SVEP1: variants seen among roughly 807,000 people sequenced by gnomAD.
SVEP1 encodes sushi, von Willebrand factor type A, EGF and pentraxin domain-containing protein 1.
In SVEP1, 164 loss-of-function variants were observed where a neutral mutation model predicts 367.3. That is an observed-to-expected ratio of 0.45 (90% CI 0.39 to 0.51). The LOEUF (loss-of-function observed/expected upper bound fraction) is 0.51, where lower values mean the gene tolerates loss of function less well. Among genes scored for constraint, SVEP1 ranks in the 20% least tolerant of loss-of-function variants. SVEP1 has a pLI of 0.00. For synonymous variants in SVEP1, 1,666 were observed against 1,611.6 expected (o/e 1.03, Z -0.81); for missense variants, 4,117 against 4,425.3 (o/e 0.93, Z 1.98).
At chr9:110,564,820 A>G (rs1830469999) in intron 1 of SVEP1, among the ~76,000 whole-genome samples, 3 of 127,788 alleles carry the variant, frequency 2.3e-5, no homozygotes, top group Admixed American at 7.4e-5. Context: ...TATTTAAATT[A>G]TCAATCAATG....
intron 3 of SVEP1, among the ~76,000 whole-genome samples, chr9:110,541,149 A>C (rs1325831211): frequency 6.6e-6 from 1 of 152,174 alleles, no homozygotes; most frequent in Non-Finnish European, 1.5e-5. Context: ...TGATGAGGAA[A>C]AACCCTTATG....
intron 18 of SVEP1, among the ~76,000 whole-genome samples, chr9:110,459,772 T>C (rs1828829753): frequency 1.3e-5 from 2 of 152,158 alleles, no homozygotes; most frequent in Non-Finnish European, 2.9e-5. Context: ...CTCTTCAGCA[T>C]TGGTATTATT....
At chr9:110,476,180 A>C (rs1327708902) in intron 14 of SVEP1, 24 bp downstream of exon 14, 1 of 1,469,366 alleles carries the variant, frequency 6.8e-7, no homozygotes, top group Admixed American at 1.7e-5. Context: ...CTTGCCAACT[A>C]CCGATGCCAC....
chr9:110,375,484 A>AAAAAAAG, intron 45 of SVEP1, 21 bp from the exon 46 acceptor site: 1 of 1,502,282 alleles, frequency 6.7e-7, no homozygotes, highest in South Asian at 1.3e-5. Context: ...AAAAAAAAAA[A>AAAAAAAG]AAAAAAGGAG....
In SVEP1 at chr9:110,429,230, C is replaced by A; in HGVS notation, c.5720G>T (p.Ser1907Ile). Residue 1907 changes from serine (S) to isoleucine (I), a missense_variant, in exon 35 of 48, where the codon AGT becomes ATT. By Grantham distance (142) the Ser-to-Ile change is moderately radical (BLOSUM62 -2). This residue lies in a region of SVEP1 where 2,174 missense variants were observed against 2,494.3 expected (regional missense o/e 0.87). Transcript: ENST00000374469. Reference protein sequence around the residue: ...PPVCEPVKCSSPENINNGKYI... With the variant: ...PPVCEPVKCSIPENINNGKYI... ...TTTTCCATTATTTATATTTTCCGGA[C>A]TAGAACACTTCACTGGTTCACACAC... 6.3e-7 allele frequency: 1 copy of A among 1,595,986 alleles called. No individual in the cohort carries two copies. Among genetic ancestry groups the A allele is most frequent in the East Asian group, 2.3e-5 (1 of 44,336 alleles).
At chr9:110,478,982 G>A (rs1218268678) in intron 13 of SVEP1, among the ~76,000 whole-genome samples, 2 of 151,464 alleles carry the variant, frequency 1.3e-5, no homozygotes, top group African/African-American at 4.9e-5. Context: ...TGCATGGCGC[G>A]ATCTGGTTCA....
intron 21 of SVEP1, among the ~76,000 whole-genome samples, chr9:110,456,608 C>T (rs1385265804): frequency 6.6e-6 from 1 of 152,092 alleles, no homozygotes; most frequent in East Asian, 1.9e-4. Context: ...TCATGAAAAA[C>T]TTTCAAGTTG....
chr9:110,394,274 C>CAACA (rs1827720860), intron 40 of SVEP1, among the ~76,000 whole-genome samples: 1 of 151,814 alleles, frequency 6.6e-6, no homozygotes, highest in Admixed American at 6.6e-5. Context: ...TAGCCAACTC[C>CAACA]GACCTGCAGC....
intron 3 of SVEP1, among the ~76,000 whole-genome samples, chr9:110,515,031 G>GA (rs988837996): frequency 3.3e-5 from 5 of 151,800 alleles, no homozygotes; most frequent in African/African-American, 7.3e-5. Context: ...CAGGCTCATG[G>GA]AAAAAAAAGA....
chr9:110,471,587 T>C lies in SVEP1; in HGVS notation c.2775A>G (p.Pro925=), dbSNP rs1422676303. The C allele has an allele frequency of 1.2e-6, 2 of 1,613,132 alleles. No individual in the cohort carries two copies. The highest frequency in any genetic ancestry group is 1.7e-4 in the Middle Eastern group (1 of 6,060). The change falls in exon 16 of 48, where the codon CCA becomes CCG. Residue 925 remains proline, a synonymous_variant. Transcript: ENST00000374469. ...KLIFNITASV[P]LPDERNDTLE... ...GGGTATCATTTCTTTCATCGGGTAA[T>C]GGCACACTAGCTGAGATAAAAACAA... is the stretch of plus-strand genomic sequence containing the variant.
intron 36 of SVEP1, among the ~76,000 whole-genome samples, chr9:110,425,219 C>A (rs947470302): frequency 1.3e-5 from 2 of 152,138 alleles, no homozygotes. Context: ...TGATTTGGGA[C>A]TATGTGTACT....
At chr9:110,450,331 A>G (rs1828673277) in intron 23 of SVEP1, 71 bp from the exon 24 acceptor site, 1 of 1,478,152 alleles carries the variant, frequency 6.8e-7, no homozygotes, top group Admixed American at 1.8e-5. Context: ...TAAAGTGTTG[A>G]CTCCCTGGAG....
At chr9:110,397,275 C>G (rs1337838143) in intron 40 of SVEP1, among the ~76,000 whole-genome samples, 1 of 151,620 alleles carries the variant, frequency 6.6e-6, no homozygotes, top group South Asian at 2.1e-4. Context: ...CAGAAAAGGC[C>G]TTTGACAAAA....
intron 36 of SVEP1, among the ~76,000 whole-genome samples, chr9:110,412,835 A>T (rs1408546465): frequency 1.3e-5 from 2 of 152,254 alleles, no homozygotes; most frequent in African/African-American, 2.4e-5. Flanking sequence ...TCAAAACCAC[A>T]ATGAGATACC....
At chr9:110,478,612 AG>A (rs1829136631) in intron 13 of SVEP1, among the ~76,000 whole-genome samples, 1 of 152,214 alleles carries the variant, frequency 6.6e-6, no homozygotes, top group Admixed American at 6.5e-5. Context: ...CTATAGTAAC[AG>A]AGGCCTAATG....
chr9:110,390,905 A>G (rs1026431373), intron 40 of SVEP1, among the ~76,000 whole-genome samples: 7 of 152,110 alleles, frequency 4.6e-5, no homozygotes, highest in African/African-American at 1.7e-4. Context: ...AGTTTACCCA[A>G]TTAACTCAGG....
chr9:110,449,942 G>A (rs1020667539), intron 24 of SVEP1, 117 bp downstream of exon 24: 1 of 1,189,276 alleles, frequency 8.4e-7, no homozygotes, highest in African/African-American at 1.5e-5. Flanking sequence ...CCTATCCTCG[G>A]GCCAGCATTT....
chr9:110,381,000 T>C (rs1211668500), intron 43 of SVEP1, among the ~76,000 whole-genome samples: 1 of 152,242 alleles, frequency 6.6e-6, no homozygotes, highest in East Asian at 1.9e-4. Flanking sequence ...CTAGTTTATG[T>C]GCATAGAAGT....
At position 110,528,662 on chromosome 9, in the gene SVEP1, T is replaced by C. The variant is rs115116477; in HGVS notation, c.965-14556A>G. 3.5e-3 allele frequency among the ~76,000 whole-genome samples: 534 copies of C among 152,090 alleles called. 1 individual carries two copies. Among genetic ancestry groups the C allele is most frequent in the African/African-American group, 0.012 (503 of 41,550 alleles). ...TTTAATGAGATTATTTATTTGTTTG[T>C]TTTCCTTGCTGATTTGTTTGAGTTC... On this transcript the variant is annotated intron_variant, in intron 3 of 47. Coordinates refer to ENST00000374469, the MANE Select transcript of SVEP1 (RefSeq NM_153366.4).
Sources: gnomAD v4.1 joint callset for allele counts (sites outside exome capture counted in the v4.1 genomes callset) on GRCh38, gnomAD v4.1.1 for gene constraint, gnomAD v4.1.1 regional missense constraint, MANE v1.5 for transcripts, NCBI Gene and HGNC (gene_info 2026-07-23, HGNC 2026-07-21) for gene names.